LRBA: variants seen among roughly 807,000 people sequenced by gnomAD.
The protein encoded by LRBA is LPS responsive beige-like anchor protein.
Under a neutral mutation model 330.0 loss-of-function variants are expected in LRBA, and 176 were observed. The observed-to-expected ratio is 0.53, with a 90% CI of 0.47 to 0.60. LRBA has a LOEUF of 0.60. LRBA is among the 20% of genes least tolerant of loss of function. The probability of loss-of-function intolerance (pLI) is 0.00; values close to 1 mark genes in which losing one functional copy is unlikely to be tolerated. For missense variants in LRBA, 3,259 were observed against 3,444.8 expected (o/e 0.95, Z 1.35); for synonymous variants, 1,230 against 1,193.0 (o/e 1.03, Z -0.64).
At chr4:150,785,954 A>G (rs1738992934) in intron 34 of LRBA, among the ~76,000 whole-genome samples, 1 of 152,184 alleles carries the variant, frequency 6.6e-6, no homozygotes, top group Non-Finnish European at 1.5e-5. Context: ...GCTAGCACAT[A>G]AAAACCACGG....
intron 40 of LRBA, among the ~76,000 whole-genome samples, chr4:150,569,936 A>G (rs987954312): frequency 3.9e-5 from 6 of 152,134 alleles, no homozygotes; most frequent in African/African-American, 1.2e-4. Flanking sequence ...ATTAAACATT[A>G]AATCGCACAC....
chr4:150,415,576 T>C lies in LRBA; in HGVS notation c.7056A>G (p.Glu2352=), dbSNP rs1747619872. The C allele has an allele frequency of 6.3e-7, 1 of 1,575,224 alleles. No individual in the cohort carries two copies. Among genetic ancestry groups the C allele is most frequent in the Non-Finnish European group, 8.7e-7 (1 of 1,145,302 alleles). ...CAAACATCTCAGGGAGATAATAAAA[T>C]TCAGGGATCAACTCCTATATAAAAA... ...DTSDIKELIP[E]FYYLPEMFVN... The change falls in exon 47 of 57, where the codon GAA becomes GAG. Residue 2352 remains glutamate (E), a synonymous_variant. Coordinates refer to ENST00000651943, the MANE Select transcript of LRBA (RefSeq NM_001364905.1).
intron 40 of LRBA, among the ~76,000 whole-genome samples, chr4:150,537,813 G>A (rs778687984): frequency 6.6e-6 from 1 of 152,038 alleles, no homozygotes; most frequent in Non-Finnish European, 1.5e-5. Flanking sequence ...AAATTAGCCA[G>A]GCATGGTGGT....
In LRBA at chr4:150,871,364, G is replaced by T; in HGVS notation, c.2348C>A (p.Thr783Lys). ...TCCTACCTCAAACAGCACATTATAT[G>T]TGGTCATTGTGATTAAATTTGTCTG... The part of the protein sequence containing the change: ...MLQTNLITMT[T>K]YNVLFEILIE... The change falls in exon 19 of 57, where the codon ACA becomes AAA. Residue 783 changes from threonine to lysine, a missense_variant. Coordinates refer to ENST00000651943, the MANE Select transcript of LRBA (RefSeq NM_001364905.1). The T allele has an allele frequency of 6.2e-7, 1 of 1,606,294 alleles. No homozygotes were observed. The highest frequency in any genetic ancestry group is 1.3e-5 in the African/African-American group (1 of 74,914).
intron 2 of LRBA, among the ~76,000 whole-genome samples, chr4:150,984,772 A>G (rs564082028): frequency 6.6e-6 from 1 of 152,336 alleles, no homozygotes; most frequent in African/African-American, 2.4e-5. Context: ...GGGTTTTATT[A>G]TAACGTATTC....
chr4:150,294,554 A>C (rs1728717432), intron 53 of LRBA, among the ~76,000 whole-genome samples: 1 of 152,208 alleles, frequency 6.6e-6, no homozygotes, highest in African/African-American at 2.4e-5. Flanking sequence ...GGATACTAAC[A>C]GTAGATACCA....
chr4:150,621,998 G>A (rs1360603114), intron 37 of LRBA, among the ~76,000 whole-genome samples: 1 of 152,174 alleles, frequency 6.6e-6, no homozygotes, highest in Non-Finnish European at 1.5e-5. Context: ...GGACATACTA[G>A]AGATGAAGAA....
chr4:150,912,240 G>A (rs150020572), intron 9 of LRBA, among the ~76,000 whole-genome samples: 56 of 152,232 alleles, frequency 3.7e-4, no homozygotes, highest in Middle Eastern at 3.4e-3. Flanking sequence ...AGAAGTGAGC[G>A]GTGGGCAAGC....
chr4:150,500,555 G>A (rs914425882), intron 40 of LRBA, among the ~76,000 whole-genome samples: 1 of 152,052 alleles, frequency 6.6e-6, no homozygotes, highest in African/African-American at 2.4e-5. Context: ...TCCAGCCTGG[G>A]CAGCAAGAGC....
chr4:150,837,940 T>C (rs559823444), intron 28 of LRBA, among the ~76,000 whole-genome samples: 1 of 152,226 alleles, frequency 6.6e-6, no homozygotes, highest in Non-Finnish European at 1.5e-5. Flanking sequence ...TGGTTGTTCC[T>C]TTCCATGTTT....
In LRBA at chr4:150,806,208, C is replaced by A. The variant is rs550015337; in HGVS notation, c.5518+63G>T. 2.9e-5 allele frequency: 35 copies of A among 1,215,052 alleles called. No individual in the cohort carries two copies. The African/African-American group carries it at 4.7e-4, about 16-fold the overall frequency. 75.3% of individuals were successfully genotyped at this position (1,215,052 alleles called of 1,614,324 possible). A position where few individuals can be genotyped will look rare whatever the true frequency, so the allele number is the denominator to read the frequency against. On this transcript the variant is annotated intron_variant, in intron 33 of 56. Transcript: ENST00000651943. ...ATGAAACTCCATGTTATTTCATTAT[C>A]CATGTAAGTTTTTAATCCTGAAATA...
intron 43 of LRBA, among the ~76,000 whole-genome samples, chr4:150,470,614 T>C (rs532638822): frequency 6.6e-6 from 1 of 152,206 alleles, no homozygotes; most frequent in Admixed American, 6.6e-5. Flanking sequence ...AGTAAAATCA[T>C]CATCTTTCCC....
intron 22 of LRBA, among the ~76,000 whole-genome samples, chr4:150,862,678 TA>T (rs56261716): frequency 4.6e-4 from 65 of 139,958 alleles, no homozygotes; most frequent in African/African-American, 9.7e-4. Flanking sequence ...AAGTATAATT[TA>T]AAAAAAAAAA....
At position 150,583,755 on chromosome 4, in the gene LRBA, G is replaced by A. The variant is rs931392566; in HGVS notation, c.6330+4293C>T. On this transcript the variant is annotated intron_variant, in intron 40 of 56. Transcript: ENST00000651943. This position sits in a 1 kb window ranked among gnomAD's most constrained non-coding sequence, Gnocchi z 9.8. ...TCGGGGAGGCGGAGAACCGCCTGCT[G>A]ATGGGCGGCTGCCGAAACAAGTGCC... 1 of 1,613,936 alleles carries A rather than the reference G, an allele frequency of 6.2e-7. No homozygotes were observed. Among genetic ancestry groups the A allele is most frequent in the African/African-American group, 1.3e-5 (1 of 75,060 alleles).
At position 150,421,331 on chromosome 4, in the gene LRBA, T is replaced by C. The variant is rs547353246; in HGVS notation, c.7042-5741A>G. 1.6e-3 allele frequency among the ~76,000 whole-genome samples: 233 copies of C among 145,372 alleles called. 1 individual carries two copies. The highest frequency in any genetic ancestry group is 5.3e-3 in the African/African-American group (212 of 39,980). Reference sequence around the variant, plus strand: ...ATAAAGTATAACATATAAATATATGTCATTTTATGTATATATTTATATATA... The same window carrying C: ...ATAAAGTATAACATATAAATATATGCCATTTTATGTATATATTTATATATA... On this transcript the variant is annotated intron_variant, in intron 46 of 56. Coordinates refer to ENST00000651943, the MANE Select transcript of LRBA (RefSeq NM_001364905.1).
chr4:150,789,538 A>G (rs1462168490), intron 34 of LRBA, among the ~76,000 whole-genome samples: 5 of 152,186 alleles, frequency 3.3e-5, no homozygotes, highest in African/African-American at 1.2e-4. Context: ...CACTGCAAAT[A>G]CCATAAACAT....
At chr4:150,424,627 A>ACG (rs1484709465) in intron 46 of LRBA, among the ~76,000 whole-genome samples, 6 of 146,890 alleles carry the variant, frequency 4.1e-5, no homozygotes, top group South Asian at 2.1e-4. Flanking sequence ...GCGTGCACAC[A>ACG]CGCACACACA....
chr4:150,492,146 C>T (rs1467248458), intron 40 of LRBA, among the ~76,000 whole-genome samples: 1 of 145,510 alleles, frequency 6.9e-6, no homozygotes, highest in Non-Finnish European at 1.5e-5. Context: ...AATAAATCTA[C>T]ATTCTCCAGT....
intron 2 of LRBA, among the ~76,000 whole-genome samples, chr4:150,997,743 G>A (rs1034155384): frequency 2.7e-5 from 4 of 150,526 alleles, no homozygotes; most frequent in African/African-American, 9.8e-5. Flanking sequence ...TCTCTCTGTC[G>A]CCCAGGCTGG....
Sources: allele counts gnomAD v4.1 joint callset (sites outside exome capture counted in the v4.1 genomes callset), GRCh38; gene constraint gnomAD v4.1.1; non-coding constraint Gnocchi (gnomAD v3.1); transcripts MANE v1.5; gene names NCBI Gene and HGNC (gene_info 2026-07-23, HGNC 2026-07-21).